COL9A1: variants seen among roughly 807,000 people sequenced by gnomAD.
COL9A1 encodes the protein collagen alpha-1(IX) chain.
A neutral mutation model predicts 142.6 loss-of-function variants in COL9A1; 104 were observed. The ratio of observed to expected loss-of-function variants is 0.73; its 90% confidence interval spans 0.62 to 0.86. The LOEUF (loss-of-function observed/expected upper bound fraction) is 0.86. COL9A1 is among the 40% of genes least tolerant of loss of function. The probability of loss-of-function intolerance (pLI) is 0.00; values close to 1 mark genes in which losing one functional copy is unlikely to be tolerated. For missense variants in COL9A1, 1,210 were observed against 1,176.6 expected (o/e 1.03, Z -0.42); for synonymous variants, 466 against 396.0 (o/e 1.18, Z -2.10).
At position 70,294,219 on chromosome 6, in the gene COL9A1, T is replaced by G; in HGVS notation, c.644A>C (p.Asp215Ala). ...AAGTTTTCCCAGCACAGCAAAGCCA[T>G]CAATGTCAATTGGGCCTCTTGGCTT... ...PIKPRGPIDI[D>A]GFAVLGKLAD... The change falls in exon 5 of 38, where the codon GAT becomes GCT. Residue 215 changes from aspartate (D) to alanine (A), a missense_variant. Coordinates refer to ENST00000357250, the MANE Select transcript of COL9A1 (RefSeq NM_001851.6). 1 of 1,614,092 alleles carries G rather than the reference T, an allele frequency of 6.2e-7. No individual in the cohort carries two copies. Among genetic ancestry groups the G allele is most frequent in the Non-Finnish European group, 8.5e-7 (1 of 1,179,968 alleles).
At chr6:70,237,313 T>G (rs1398950330) in intron 33 of COL9A1, among the ~76,000 whole-genome samples, 1 of 152,230 alleles carries the variant, frequency 6.6e-6, no homozygotes, top group African/African-American at 2.4e-5. Context: ...ACCCTGGGTC[T>G]CTGGGAAAAA....
At chr6:70,263,072 T>G (rs1187198704) in intron 19 of COL9A1, among the ~76,000 whole-genome samples, 172 bp downstream of exon 19, 1 of 152,046 alleles carries the variant, frequency 6.6e-6, no homozygotes, top group African/African-American at 2.4e-5. Flanking sequence ...ATGAAGACCC[T>G]CTCCTATTTT....
At chr6:70,296,693 C>T (rs73475888) in intron 4 of COL9A1, among the ~76,000 whole-genome samples, 1 of 151,992 alleles carries the variant, frequency 6.6e-6, no homozygotes. Context: ...TAACTTACCT[C>T]AATAAATTTG....
intron 37 of COL9A1, among the ~76,000 whole-genome samples, chr6:70,221,098 G>A (rs907305999): frequency 1.3e-5 from 2 of 148,254 alleles, no homozygotes; most frequent in Non-Finnish European, 3.0e-5. Flanking sequence ...ATTGCTAAAC[G>A]TTTTTTTTTT....
At chr6:70,284,698 A>G (rs1583334318) in intron 5 of COL9A1, among the ~76,000 whole-genome samples, 1 of 152,190 alleles carries the variant, frequency 6.6e-6, no homozygotes, top group East Asian at 1.9e-4. Context: ...ATAGCCACAA[A>G]CCATGCTGGT....
intron 5 of COL9A1, among the ~76,000 whole-genome samples, chr6:70,286,867 A>C (rs1057113307): frequency 1.3e-5 from 2 of 152,244 alleles, no homozygotes; most frequent in Admixed American, 6.5e-5. Context: ...AGAAAGCAGT[A>C]AACTTGGAGT....
At chr6:70,279,765 C>T in intron 10 of COL9A1, 1 of 375,392 alleles carries the variant, frequency 2.7e-6, no homozygotes, top group East Asian at 3.7e-5. Flanking sequence ...ACCTTAATAA[C>T]AGTAAAAATC....
At chr6:70,296,767 T>C (rs914302709) in intron 4 of COL9A1, among the ~76,000 whole-genome samples, 4 of 152,144 alleles carry the variant, frequency 2.6e-5, no homozygotes, top group African/African-American at 9.6e-5. Context: ...TCCATTTAAA[T>C]TATAAATAGA....
At chr6:70,288,977 T>C (rs181833496) in intron 5 of COL9A1, among the ~76,000 whole-genome samples, 20 of 152,300 alleles carry the variant, frequency 1.3e-4, no homozygotes, top group Non-Finnish European at 1.9e-4. Context: ...AGATGTTTAA[T>C]AGTTACTGAA....
rs566279866 is a variant in COL9A1 at position 70,292,293 on chromosome 6, G to A, written c.696+1874C>T. Among the ~76,000 whole-genome samples, 9 of 152,266 alleles carry A rather than the reference G, an allele frequency of 5.9e-5. No homozygotes were observed. The East Asian group carries it at 1.5e-3, about 26-fold the overall frequency. Reference sequence around the variant, plus strand: ...CTTTTTTGTGTTTCCTGATAAGGGAGTCAGAATTCAGTCTGAAGGAAGACA... The same window carrying A: ...CTTTTTTGTGTTTCCTGATAAGGGAATCAGAATTCAGTCTGAAGGAAGACA... On this transcript the variant is annotated intron_variant, in intron 5 of 37. Coordinates refer to ENST00000357250, the MANE Select transcript of COL9A1 (RefSeq NM_001851.6).
intron 33 of COL9A1, among the ~76,000 whole-genome samples, chr6:70,238,830 A>G (rs534858257): frequency 3.3e-4 from 50 of 152,324 alleles, no homozygotes; most frequent in African/African-American, 1.2e-3. Context: ...ATTTCCATGA[A>G]AGTAAGTCCT....
At chr6:70,241,710 T>C (rs1770269992) in intron 30 of COL9A1, among the ~76,000 whole-genome samples, 1 of 152,240 alleles carries the variant, frequency 6.6e-6, no homozygotes, top group African/African-American at 2.4e-5. Context: ...GAAATGTAAA[T>C]TGAGGGCTAA....
Position 70,271,641 on chromosome 6 carries a change from A to C in COL9A1, c.1143+14T>G, listed in dbSNP as rs1562317487. The C allele has an allele frequency of 3.1e-6, 5 of 1,611,478 alleles. No homozygotes were observed. Among genetic ancestry groups the C allele is most frequent in the East Asian group, 2.2e-5 (1 of 44,866 alleles). The stretch of plus-strand genomic sequence containing the variant: ...AATCAGCAAACGTCTATCAAAGTGC[A>C]CTGTGGTACTCACAACAGGTCCTAC... On this transcript the variant is annotated intron_variant, in intron 14 of 37. Coordinates refer to ENST00000357250, the MANE Select transcript of COL9A1 (RefSeq NM_001851.6).
intron 24 of COL9A1, 178 bp from the exon 25 acceptor site, chr6:70,254,707 T>C (rs1245795272): frequency 2.9e-6 from 2 of 691,672 alleles, no homozygotes; most frequent in Non-Finnish European, 2.5e-6. Flanking sequence ...TAGGACATAA[T>C]TCAACCAAAA....
In COL9A1 at chr6:70,216,944, T is replaced by C. The variant is rs1768544673; in HGVS notation, c.2719A>G (p.Thr907Ala). 1.2e-6 allele frequency: 2 copies of C among 1,613,996 alleles called. No individual in the cohort carries two copies. Among genetic ancestry groups the C allele is most frequent in the Non-Finnish European group, 1.7e-6 (2 of 1,180,032 alleles). ...AATGCTCGCTGACCAGCCTGCATGGTGCAGGAGGCTGGCTCACAGAAACCG... is the reference window on the plus strand; with the variant it reads ...AATGCTCGCTGACCAGCCTGCATGGCGCAGGAGGCTGGCTCACAGAAACCG... ...LPGFCEPASC[T>A]MQAGQRAFNK... The change falls in exon 38 of 38, where the codon ACC becomes GCC. Residue 907 changes from threonine to alanine, a missense_variant. Transcript: ENST00000357250.
Position 70,263,237 on chromosome 6 carries a change from A to G in COL9A1, c.1395+7T>C. On this transcript the variant is annotated splice_region_variant and intron_variant, in intron 19 of 37. Coordinates refer to ENST00000357250, the MANE Select transcript of COL9A1 (RefSeq NM_001851.6). ...CCTAGTTAAATATTTTTTAAAAAATACTTTACTGGAGGTCCTTGAGCTCCA... is the reference window on the plus strand; with the variant it reads ...CCTAGTTAAATATTTTTTAAAAAATGCTTTACTGGAGGTCCTTGAGCTCCA... The G allele has an allele frequency of 6.3e-7, 1 of 1,594,476 alleles. No individual in the cohort carries two copies. Among genetic ancestry groups the G allele is most frequent in the Non-Finnish European group, 8.6e-7 (1 of 1,167,842 alleles).
intron 36 of COL9A1, among the ~76,000 whole-genome samples, chr6:70,231,863 C>T (rs1769569909): frequency 6.6e-6 from 1 of 152,138 alleles, no homozygotes; most frequent in Non-Finnish European, 1.5e-5. Flanking sequence ...ACACCCCAAG[C>T]TGATATACTT....
chr6:70,280,452 G>A, intron 10 of COL9A1: 2 of 1,228,206 alleles, frequency 1.6e-6, no homozygotes, highest in Non-Finnish European at 2.0e-6. Context: ...CTCACAGCAG[G>A]TAAGCCGAAG....
chr6:70,234,112 T>A (rs182488412), intron 35 of COL9A1, among the ~76,000 whole-genome samples: 3 of 152,330 alleles, frequency 2.0e-5, no homozygotes. Context: ...CCTATGGGCA[T>A]GGAGTCTGTC....
Sources: gnomAD v4.1 joint callset for allele counts (sites outside exome capture counted in the v4.1 genomes callset) on GRCh38, gnomAD v4.1.1 for gene constraint, MANE v1.5 for transcripts, NCBI Gene and HGNC (gene_info 2026-07-23, HGNC 2026-07-21) for gene names.